Variants in METTL25 observed in about 807,000 individuals in gnomAD.
METTL25 encodes probable methyltransferase-like protein 25.
A neutral mutation model predicts 71.6 loss-of-function variants in METTL25; 64 were observed. That is an observed-to-expected ratio of 0.89 (90% CI 0.73 to 1.10). The LOEUF (loss-of-function observed/expected upper bound fraction) is 1.10. Among genes scored for constraint, METTL25 ranks in the 50% least tolerant of loss-of-function variants. METTL25 has a pLI of 0.00. For missense variants in METTL25, 807 were observed against 707.0 expected, an observed-to-expected ratio of 1.14 and a Z score of -1.60; for synonymous variants, 287 against 250.3, an observed-to-expected ratio of 1.15 and a Z score of -1.38.
At chr12:82,474,495 T>A (rs1179414155) in intron 9 of METTL25, 1 of 152,270 alleles carries the variant, frequency 6.6e-6, no homozygotes, top group Admixed American at 6.5e-5. Flanking sequence ...TATTTTTTTT[T>A]TCCAGGTATT....
chr12:82,389,928 A>T lies in METTL25; in HGVS notation c.531+6A>T. 6.8e-7 allele frequency: 1 copy of T among 1,461,250 alleles called. No individual in the cohort carries two copies. Among genetic ancestry groups the T allele is most frequent in the Non-Finnish European group, 9.6e-7 (1 of 1,046,752 alleles). 90.5% of individuals were successfully genotyped at this position (1,461,250 alleles called of 1,614,324 possible). Reference sequence around the variant, plus strand: ...ACTACTATGGAATAAAGCAGGTAAGAGTATTTCCGTATGTTTTTAGGTGTT... The same window carrying T: ...ACTACTATGGAATAAAGCAGGTAAGTGTATTTCCGTATGTTTTTAGGTGTT... On this transcript the variant is annotated splice_donor_region_variant and intron_variant, in intron 3 of 11. Coordinates refer to ENST00000248306, the MANE Select transcript of METTL25 (RefSeq NM_032230.3).
intron 1 of METTL25, among the ~76,000 whole-genome samples, chr12:82,380,054 T>C (rs1884275740): frequency 6.6e-6 from 1 of 152,192 alleles, no homozygotes; most frequent in South Asian, 2.1e-4. Flanking sequence ...TTGATCCAAT[T>C]GTTAGGACAC....
At chr12:82,452,656 T>C (rs1357048337) in intron 8 of METTL25, among the ~76,000 whole-genome samples, 2 of 152,250 alleles carry the variant, frequency 1.3e-5, no homozygotes, top group African/African-American at 4.8e-5. Flanking sequence ...ATATTATTTT[T>C]AAGATTACTT....
chr12:82,399,581 A>G (rs1262772493), intron 4 of METTL25, among the ~76,000 whole-genome samples, 187 bp downstream of exon 4: 1 of 152,192 alleles, frequency 6.6e-6, no homozygotes, highest in Non-Finnish European at 1.5e-5. Flanking sequence ...TTCAGAATAG[A>G]GTATCCTCTA....
intron 1 of METTL25, among the ~76,000 whole-genome samples, chr12:82,386,006 T>G (rs910738850): frequency 6.6e-6 from 1 of 152,140 alleles, no homozygotes; most frequent in Non-Finnish European, 1.5e-5. Flanking sequence ...GCACTAGATA[T>G]TTGCAAATAG....
rs564337221 is a variant in METTL25, at chr12:82,369,468, C to T, written c.259+10644C>T. 108 of 449,950 alleles carry T rather than the reference C, an allele frequency of 2.4e-4. 1 individual carries two copies. Among genetic ancestry groups the T allele is most frequent in the African/African-American group, 1.6e-3 (81 of 49,800 alleles). The allele number at this position is 449,950 out of a possible 1,614,324, so 27.9% of individuals were successfully genotyped here. A position where few individuals can be genotyped will look rare whatever the true frequency, so the allele number is the denominator to read the frequency against. On this transcript the variant is annotated intron_variant, in intron 1 of 11. Coordinates refer to ENST00000248306, the MANE Select transcript of METTL25 (RefSeq NM_032230.3). Reference sequence around the variant, plus strand: ...TTACAGCTCTTAAAGATGGTGTGTCCGGAGTTTCTTCCTTCAGATGTGTCC... The same window carrying T: ...TTACAGCTCTTAAAGATGGTGTGTCTGGAGTTTCTTCCTTCAGATGTGTCC...
Position 82,438,776 on chromosome 12 carries a change from A to G in METTL25, c.1463A>G (p.Tyr488Cys). The change falls in exon 8 of 12, where the codon TAT becomes TGT. Residue 488 changes from tyrosine to cysteine, a missense_variant. By Grantham distance (194) the Tyr-to-Cys change is radical (BLOSUM62 -2). Transcript: ENST00000248306. Reference sequence around the variant, plus strand: ...CTTCAGGATATTATTAAAGATTGTTATGGCATCACCAAATGGTATGAGGAT... The same window carrying G: ...CTTCAGGATATTATTAAAGATTGTTGTGGCATCACCAAATGGTATGAGGAT... Reference protein sequence around the residue: ...AVLQDIIKDCYGITKCDRHVG... With the variant: ...AVLQDIIKDCCGITKCDRHVG... The G allele has an allele frequency of 2.7e-6, 4 of 1,508,624 alleles. No homozygotes were observed. Among genetic ancestry groups the G allele is most frequent in the South Asian group, 1.2e-5 (1 of 81,456 alleles). 93.5% of individuals were successfully genotyped at this position (1,508,624 alleles called of 1,614,324 possible). A position where few individuals can be genotyped will look rare whatever the true frequency, so the allele number is the denominator to read the frequency against.
rs1889433666 is a variant in METTL25 at position 82,430,920 on chromosome 12, C to T, written c.1307C>T (p.Pro436Leu). 1 of 1,599,412 alleles carries T rather than the reference C, an allele frequency of 6.3e-7. No homozygotes were observed. The part of the protein sequence containing the change: ...KERTQEKWGF[P>L]MCHYLKEERW... ...CGTACTCAGGAAAAGTGGGGATTTC[C>T]AATGTGCCACTATTTAAAGGAAGAG... is the stretch of plus-strand genomic sequence containing the variant. The change falls in exon 6 of 12, where the codon CCA (proline) becomes CTA (leucine). Residue 436 changes from proline (P) to leucine (L), a missense_variant. Pro to Leu is a moderately conservative substitution (Grantham distance 98, BLOSUM62 -3). Transcript: ENST00000248306.
intron 3 of METTL25, among the ~76,000 whole-genome samples, chr12:82,397,204 G>A (rs12099806): frequency 0.012 from 1,778 of 152,056 alleles, 27 homozygotes; most frequent in African/African-American, 0.041. Context: ...TTACATCTGC[G>A]TACATCTCAC....
chr12:82,377,988 C>A (rs1370369620), intron 1 of METTL25, among the ~76,000 whole-genome samples: 2 of 152,118 alleles, frequency 1.3e-5, no homozygotes, highest in Admixed American at 6.5e-5. Context: ...TTGATTTAGG[C>A]CGACACTTGT....
In METTL25 at chr12:82,467,457, C is replaced by G. The variant is rs74690124; in HGVS notation, c.1573-9187C>G. Among the ~76,000 whole-genome samples the G allele has an allele frequency of 4.0e-3, 610 of 152,134 alleles. 3 individuals carry two copies. The highest frequency in any genetic ancestry group is 0.014 in the African/African-American group (585 of 41,530). On this transcript the variant is annotated intron_variant, in intron 9 of 11. Coordinates refer to ENST00000248306, the MANE Select transcript of METTL25 (RefSeq NM_032230.3). The stretch of plus-strand genomic sequence containing the variant: ...CATTTGAGTACTTTTAAAGGCCAGT[C>G]TAAGGGCGATGAATTCTCTTAGTTT...
At chr12:82,401,526 A>C (rs983603887) in intron 4 of METTL25, among the ~76,000 whole-genome samples, 1 of 152,042 alleles carries the variant, frequency 6.6e-6, no homozygotes, top group East Asian at 1.9e-4. Flanking sequence ...TTGCTTTCCA[A>C]ATCACACTGT....
rs1885096009 is a variant in METTL25 at position 82,386,962 on chromosome 12, G to T, written c.419G>T (p.Arg140Ile). ...LVALRGNQNQ[R>I]IGENQKAVEF... ...GCCCTTCGAGGAAATCAAAACCAGA[G>T]AATTGGTATGTCTATTTATGTGTGT... Residue 140 changes from arginine (R) to isoleucine (I), a missense_variant, in exon 2 of 12, where the codon AGA (arginine) becomes ATA (isoleucine). Transcript: ENST00000248306. 1 of 1,611,968 alleles carries T rather than the reference G, an allele frequency of 6.2e-7. No individual in the cohort carries two copies. The highest frequency in any genetic ancestry group is 1.3e-5 in the African/African-American group (1 of 74,826).
intron 5 of METTL25, among the ~76,000 whole-genome samples, chr12:82,418,902 A>G (rs544301244): frequency 3.2e-4 from 48 of 152,316 alleles, no homozygotes; most frequent in Non-Finnish European, 5.7e-4. Flanking sequence ...AAGCCTGTCT[A>G]TAAACACTAA....
At chr12:82,405,409 C>T (rs929636119) in intron 5 of METTL25, among the ~76,000 whole-genome samples, 1 of 151,934 alleles carries the variant, frequency 6.6e-6, no homozygotes, top group African/African-American at 2.4e-5. Flanking sequence ...TAAATAGATT[C>T]AGATTTAGGT....
intron 5 of METTL25, among the ~76,000 whole-genome samples, chr12:82,413,134 G>A (rs1471295141): frequency 1.3e-5 from 2 of 151,862 alleles, no homozygotes; most frequent in Non-Finnish European, 2.9e-5. Flanking sequence ...TCAAGAATCT[G>A]GAGATTGAGG....
rs1410031145 is a variant in METTL25, at chr12:82,386,797, T to C, written c.260-6T>C. 2 of 1,611,704 alleles carry C rather than the reference T, an allele frequency of 1.2e-6. No individual in the cohort carries two copies. The highest frequency in any genetic ancestry group is 3.4e-5 in the Admixed American group (2 of 59,694). On this transcript the variant is annotated splice_region_variant and splice_polypyrimidine_tract_variant and intron_variant, in intron 1 of 11. Transcript: ENST00000248306. Reference sequence around the variant, plus strand: ...CTGAAGACTTTTTCTGTCTTCACTTTTTTAGGTATGACTGATTTTCCCAAA... The same window carrying C: ...CTGAAGACTTTTTCTGTCTTCACTTCTTTAGGTATGACTGATTTTCCCAAA...
At chr12:82,416,850 T>G (rs1273063974) in intron 5 of METTL25, among the ~76,000 whole-genome samples, 1 of 152,128 alleles carries the variant, frequency 6.6e-6, no homozygotes, top group East Asian at 1.9e-4. Flanking sequence ...AATATAGTGT[T>G]TAATACACCT....
intron 9 of METTL25, among the ~76,000 whole-genome samples, chr12:82,465,480 T>A (rs1892170220): frequency 6.6e-6 from 1 of 152,030 alleles, no homozygotes; most frequent in Middle Eastern, 3.2e-3. Context: ...ATCTTTGATA[T>A]TCTGTTGGAT....
Sources: gnomAD v4.1 joint callset for allele counts (sites outside exome capture counted in the v4.1 genomes callset) on GRCh38, gnomAD v4.1.1 for gene constraint, MANE v1.5 for transcripts, NCBI Gene and HGNC (gene_info 2026-07-23, HGNC 2026-07-21) for gene names.